MVK: variants seen among roughly 807,000 people sequenced by gnomAD.
MVK encodes LH receptor mRNA-binding protein.
Under a neutral mutation model 43.2 loss-of-function variants are expected in MVK, and 34 were observed. That is an observed-to-expected ratio of 0.79 (90% CI 0.60 to 1.05). The LOEUF is 1.05. Among genes scored for constraint, MVK ranks in the 50% least tolerant of loss-of-function variants. The pLI is 0.00. For synonymous variants in MVK, 190 were observed against 219.8 expected (o/e 0.86, Z 1.20); for missense variants, 395 against 504.0 (o/e 0.78, Z 2.07).
chr12:109,575,922 T>C, intron 2 of MVK, 76 bp from the exon 3 acceptor site: 1 of 1,568,442 alleles, frequency 6.4e-7, no homozygotes, highest in Admixed American at 1.7e-5. Context: ...TTATGTTTGC[T>C]CTCTTCTTAG....
chr12:109,597,015 T>G lies in MVK; in HGVS notation c.*438T>G, dbSNP rs1885950797. On this transcript the variant is annotated 3_prime_UTR_variant, in exon 11 of 11. Transcript: ENST00000228510. The stretch of plus-strand genomic sequence containing the variant: ...TGTCTCTCAGGGCCAGGCCTCTCCC[T>G]CCTCCAGGAAGCCTTCCCCTACCCC... 4.1e-6 allele frequency: 1 copy of G among 242,622 alleles called. No individual in the cohort carries two copies. Among genetic ancestry groups the G allele is most frequent in the African/African-American group, 2.3e-5 (1 of 44,400 alleles). The allele number at this position is 242,622 out of a possible 1,614,324, so 15.0% of individuals were successfully genotyped here.
chr12:109,573,347 C>T, upstream of MVK: 1 of 1,613,306 alleles, frequency 6.2e-7, no homozygotes, highest in Non-Finnish European at 8.5e-7. Flanking sequence ...AGCCACTCAC[C>T]TGTCCCCGTC....
At position 109,581,440 on chromosome 12, in the gene MVK, C is replaced by T. The variant is rs754441368; in HGVS notation, c.417C>T (p.Pro139=). The T allele has an allele frequency of 8.1e-6, 13 of 1,614,146 alleles. No homozygotes were observed. Among genetic ancestry groups the T allele is most frequent in the Middle Eastern group, 1.7e-4 (1 of 6,054 alleles). ...TCGTAGTGTGGTCGGAGCTGCCCCC[C>T]GGGGCGGGCTTGGGCTCCAGCGCCG... ...LDIVVWSELP[P]GAGLGSSAAY... The change falls in exon 5 of 11, where the codon CCC becomes CCT. Residue 139 remains proline (P), a synonymous_variant. Transcript: ENST00000228510.
At chr12:109,579,530 G>A (rs533268218) in intron 3 of MVK, among the ~76,000 whole-genome samples, 10 of 152,176 alleles carry the variant, frequency 6.6e-5, no homozygotes, top group Non-Finnish European at 1.3e-4. Context: ...CCTGACAACC[G>A]TAAGAAGAGG....
intron 6 of MVK, among the ~76,000 whole-genome samples, chr12:109,586,357 C>T (rs949259203): frequency 1.3e-5 from 2 of 152,150 alleles, no homozygotes; most frequent in African/African-American, 4.8e-5. Context: ...GCAGCTTCCA[C>T]GAGCTCCCCA....
At chr12:109,581,960 G>T (rs987176716) in intron 5 of MVK, among the ~76,000 whole-genome samples, 3 of 152,210 alleles carry the variant, frequency 2.0e-5, no homozygotes, top group African/African-American at 7.2e-5. Flanking sequence ...AGGGGTGATT[G>T]TCCAGTTTTA....
In MVK at chr12:109,587,623, C is replaced by T. The variant is rs72648012; in HGVS notation, c.677+824C>T. ...TTTCGCATCAGTAAGGGTCCTGGGG[C>T]TCTCTCCTCTTTACTCAGGGCGGTC... On this transcript the variant is annotated intron_variant, in intron 7 of 10. Transcript: ENST00000228510. Among the ~76,000 whole-genome samples, 672 of 152,244 alleles carry T rather than the reference C, an allele frequency of 4.4e-3. 7 individuals carry two copies. Among genetic ancestry groups the T allele is most frequent in the Middle Eastern group, 0.024 (7 of 294 alleles).
chr12:109,583,827 T>C (rs1885327282), intron 5 of MVK, among the ~76,000 whole-genome samples: 1 of 152,274 alleles, frequency 6.6e-6, no homozygotes, highest in Non-Finnish European at 1.5e-5. Context: ...TGAATACTGA[T>C]CGCTTTCTGA....
rs761235199 is a variant in MVK at position 109,574,895 on chromosome 12, G to C, written c.73G>C (p.Gly25Arg). ...TCATGGAGAACATGCCGTGGTACAT[G>C]GCAAGGTACAAAGCCGTTAGAGCCT... ...ILHGEHAVVH[G>R]KVALAVSLNL... Residue 25 changes from glycine to arginine, a missense_variant, in exon 2 of 11, where the codon GGC (glycine) becomes CGC (arginine). Transcript: ENST00000228510. 6.2e-7 allele frequency: 1 copy of C among 1,608,470 alleles called. No homozygotes were observed. The highest frequency in any genetic ancestry group is 1.1e-5 in the South Asian group (1 of 89,648).
intron 4 of MVK, 148 bp downstream of exon 4, chr12:109,580,094 A>T: frequency 1.7e-6 from 2 of 1,204,780 alleles, no homozygotes; most frequent in Non-Finnish European, 2.4e-6. Flanking sequence ...GCACCCTGCC[A>T]GGCACGGTAT....
chr12:109,596,371 G>C, intron 10 of MVK, 55 bp from the exon 11 acceptor site: 1 of 1,582,998 alleles, frequency 6.3e-7, no homozygotes, highest in Non-Finnish European at 8.6e-7. Flanking sequence ...AATATGATGA[G>C]CTTCTCCCAC....
chr12:109,597,125 G>C lies in MVK; in HGVS notation c.*548G>C, dbSNP rs1041487038. 10 of 195,420 alleles carry C rather than the reference G, an allele frequency of 5.1e-5. No individual in the cohort carries two copies. The highest frequency in any genetic ancestry group is 7.5e-5 in the Non-Finnish European group (7 of 93,102). 12.1% of individuals were successfully genotyped at this position (195,420 alleles called of 1,614,324 possible). A position where few individuals can be genotyped will look rare whatever the true frequency, so the allele number is the denominator to read the frequency against. On this transcript the variant is annotated 3_prime_UTR_variant, in exon 11 of 11. Coordinates refer to ENST00000228510, the MANE Select transcript of MVK (RefSeq NM_000431.4). ...GGCCTTCCCTTCTACCTAGCGGGAT[G>C]GGGCTCCCCCAGGGGCTGTCCCGGA...
At chr12:109,583,865 C>T (rs1314204079) in intron 5 of MVK, among the ~76,000 whole-genome samples, 1 of 152,242 alleles carries the variant, frequency 6.6e-6, no homozygotes, top group African/African-American at 2.4e-5. Context: ...AGACTCTAAG[C>T]TCCAAGAAGT....
Position 109,581,505 on chromosome 12 carries a change from G to A in MVK, c.482G>A (p.Cys161Tyr). The change falls in exon 5 of 11, where the codon TGC becomes TAC. Residue 161 changes from cysteine (C) to tyrosine (Y), a missense_variant. Coordinates refer to ENST00000228510, the MANE Select transcript of MVK (RefSeq NM_000431.4). ...CTGGCAGCAGCCCTCCTGACTGTGTGCGAGGAGATCCCAAACCCGCTGAAG... is the reference window on the plus strand; with the variant it reads ...CTGGCAGCAGCCCTCCTGACTGTGTACGAGGAGATCCCAAACCCGCTGAAG... The part of the protein sequence containing the change: ...VCLAAALLTV[C>Y]EEIPNPLKDG... 1 of 1,614,232 alleles carries A rather than the reference G, an allele frequency of 6.2e-7. No individual in the cohort carries two copies. The highest frequency in any genetic ancestry group is 8.5e-7 in the Non-Finnish European group (1 of 1,180,040).
In MVK at chr12:109,576,037, C is replaced by T. The variant is rs1055952433; in HGVS notation, c.118C>T (p.Arg40Trp). ...AVSLNLRTFL[R>W]LQPHSNGKVD... ...ATCCTTGAACTTGAGAACATTCCTC[C>T]GGCTTCAACCCCACAGCAATGGGAA... The change falls in exon 3 of 11, where the codon CGG (arginine) becomes TGG (tryptophan). Residue 40 changes from arginine (R) to tryptophan (W), a missense_variant. Physicochemically the swap from Arg to Trp is moderately radical, Grantham distance 101 (BLOSUM62 -3). Coordinates refer to ENST00000228510, the MANE Select transcript of MVK (RefSeq NM_000431.4). 12 of 1,614,064 alleles carry T rather than the reference C, an allele frequency of 7.4e-6. No individual in the cohort carries two copies. The highest frequency in any genetic ancestry group is 8.5e-6 in the Non-Finnish European group (10 of 1,180,040).
rs1337768590 is a variant in MVK, at chr12:109,575,994, A to G, written c.79-4A>G. ...GCTTATTGCTTTTGTCATTTATTCT[A>G]TAGGTAGCACTGGCTGTATCCTTGA... On this transcript the variant is annotated splice_polypyrimidine_tract_variant and splice_region_variant and intron_variant, in intron 2 of 10. Transcript: ENST00000228510. 5 of 1,613,968 alleles carry G rather than the reference A, an allele frequency of 3.1e-6. No individual in the cohort carries two copies. Among genetic ancestry groups the G allele is most frequent in the Non-Finnish European group, 3.4e-6 (4 of 1,180,032 alleles).
Position 109,586,142 on chromosome 12 carries a change from G to T in MVK, c.631+17G>T. On this transcript the variant is annotated intron_variant, in intron 6 of 10. Coordinates refer to ENST00000228510, the MANE Select transcript of MVK (RefSeq NM_000431.4). ...GCACCTGGGGTAGGTGTGGCCTCAGGTTTATTTTATTGTTGTTATTTTAAA... is the reference window on the plus strand; with the variant it reads ...GCACCTGGGGTAGGTGTGGCCTCAGTTTTATTTTATTGTTGTTATTTTAAA... The T allele has an allele frequency of 1.9e-6, 3 of 1,587,352 alleles. No individual in the cohort carries two copies. In the South Asian group the frequency reaches 3.3e-5, roughly 18 times the overall value.
In MVK at chr12:109,596,693, G is replaced by A; in HGVS notation, c.*116G>A. 2 of 1,427,422 alleles carry A rather than the reference G, an allele frequency of 1.4e-6. No homozygotes were observed. The highest frequency in any genetic ancestry group is 1.9e-6 in the Non-Finnish European group (2 of 1,047,030). The allele number at this position is 1,427,422 out of a possible 1,614,324, so 88.4% of individuals were successfully genotyped here. A position where few individuals can be genotyped will look rare whatever the true frequency, so the allele number is the denominator to read the frequency against. ...CCCAGCTCCTGACACTGCTGGAGAGGCCCCAGCCGCTTGGCGATGCCAGCC... is the reference window on the plus strand; with the variant it reads ...CCCAGCTCCTGACACTGCTGGAGAGACCCCAGCCGCTTGGCGATGCCAGCC... On this transcript the variant is annotated 3_prime_UTR_variant, in exon 11 of 11. Transcript: ENST00000228510.
At chr12:109,573,425 C>A (rs10774775), upstream of MVK, 1 of 1,608,014 alleles carries the variant, frequency 6.2e-7, no homozygotes. Context: ...GAAGCACCCG[C>A]GCAGGCCAAG....
Sources: allele counts gnomAD v4.1 joint callset (sites outside exome capture counted in the v4.1 genomes callset), GRCh38; gene constraint gnomAD v4.1.1; transcripts MANE v1.5; gene names NCBI Gene and HGNC (gene_info 2026-07-23, HGNC 2026-07-21).